The following PTPRN2 variants were observed in gnomAD, a reference collection of about 807,000 sequenced individuals.
PTPRN2 encodes the protein receptor-type tyrosine-protein phosphatase N2.
Under a neutral mutation model 118.8 loss-of-function variants are expected in PTPRN2, and 74 were observed. That is an observed-to-expected ratio of 0.62 (90% CI 0.52 to 0.76). The LOEUF is 0.76. PTPRN2 is among the 30% of genes least tolerant of loss of function. The probability of loss-of-function intolerance (pLI) is 0.00; values close to 1 mark genes in which losing one functional copy is unlikely to be tolerated. For missense variants in PTPRN2, 1,481 were observed against 1,394.4 expected (o/e 1.06, Z -0.99); for synonymous variants, 641 against 608.0 (o/e 1.05, Z -0.80).
intron 3 of PTPRN2, among the ~76,000 whole-genome samples, chr7:158,210,287 T>C (rs931797060): frequency 1.3e-5 from 2 of 151,728 alleles, no homozygotes; most frequent in Admixed American, 1.3e-4. Flanking sequence ...AGGCGCCCGC[T>C]ACCACGCCTG....
intron 2 of PTPRN2, among the ~76,000 whole-genome samples, chr7:158,435,984 G>A (rs1269124405): frequency 6.6e-6 from 1 of 152,138 alleles, no homozygotes; most frequent in Non-Finnish European, 1.5e-5. Flanking sequence ...ATGAACGAGT[G>A]CTAGAGATCT....
chr7:158,108,438 G>A (rs1009725933), intron 10 of PTPRN2, among the ~76,000 whole-genome samples: 1 of 152,032 alleles, frequency 6.6e-6, no homozygotes, highest in African/African-American at 2.4e-5. Flanking sequence ...TGGCCTCTCT[G>A]TCCCTGCTGA....
intron 21 of PTPRN2, among the ~76,000 whole-genome samples, chr7:157,559,455 G>A (rs1799069573): frequency 6.6e-6 from 1 of 152,192 alleles, no homozygotes. Flanking sequence ...AGGAATGAGG[G>A]AAGGACAGAG....
intron 11 of PTPRN2, among the ~76,000 whole-genome samples, chr7:158,061,558 G>A (rs1187909711): frequency 2.6e-5 from 4 of 152,214 alleles, no homozygotes; most frequent in Non-Finnish European, 4.4e-5. Flanking sequence ...ATAAACAGTC[G>A]TGGTGGCAAA....
Position 157,898,809 on chromosome 7 carries a change from T to C in PTPRN2, c.1724-72A>G, listed in dbSNP as rs73517011. On this transcript the variant is annotated intron_variant, in intron 11 of 22. Transcript: ENST00000389418. ...TCAGTCTCCGGGCACCTCTGAGTAT[T>C]TTCCTCCATTGAAAATTTCAATTAC... 7.3e-4 allele frequency: 992 copies of C among 1,351,242 alleles called. 2 individuals carry two copies. In the African/African-American group the frequency reaches 8.6e-3, roughly 12 times the overall value. The allele number at this position is 1,351,242 out of a possible 1,614,324, so 83.7% of individuals were successfully genotyped here.
At chr7:158,280,748 G>A (rs1799369254) in intron 3 of PTPRN2, among the ~76,000 whole-genome samples, 1 of 152,204 alleles carries the variant, frequency 6.6e-6, no homozygotes, top group Non-Finnish European at 1.5e-5. Context: ...TTTCCCAAAT[G>A]TTGAACAATG....
chr7:158,056,976 A>C (rs1477092715), intron 11 of PTPRN2, among the ~76,000 whole-genome samples: 4 of 152,152 alleles, frequency 2.6e-5, no homozygotes, highest in Non-Finnish European at 5.9e-5. Flanking sequence ...GCCACCTCGG[A>C]TGTGTCCATC....
chr7:157,993,252 C>T (rs1804390919), intron 11 of PTPRN2, among the ~76,000 whole-genome samples: 1 of 152,052 alleles, frequency 6.6e-6, no homozygotes, highest in African/African-American at 2.4e-5. Context: ...TCGGTGCGTA[C>T]CTGTCCGTGT....
intron 11 of PTPRN2, among the ~76,000 whole-genome samples, chr7:158,043,654 AT>A (rs2128891408): frequency 6.6e-6 from 1 of 152,362 alleles, no homozygotes; most frequent in East Asian, 1.9e-4. Flanking sequence ...AAAGAGGCCA[AT>A]TTCTGAGCAC....
chr7:158,318,439 T>TA (rs1056601078), intron 2 of PTPRN2, among the ~76,000 whole-genome samples: 16 of 152,294 alleles, frequency 1.1e-4, no homozygotes, highest in African/African-American at 2.9e-4. Context: ...AGAACAATCC[T>TA]AGGCCTCAGG....
chr7:157,791,536 GCTCCCTGCACCCACCTGCCCCCC>G (rs1804497190), intron 12 of PTPRN2, among the ~76,000 whole-genome samples: 2 of 128,864 alleles, frequency 1.6e-5, no homozygotes, highest in Non-Finnish European at 3.3e-5. Flanking sequence ...ACCCGCCCCC[GCTCCCTGCACCCACCTGCCCCCC>G]CTCCCTGCAC....
chr7:157,795,150 T>C (rs1382849157), intron 12 of PTPRN2, among the ~76,000 whole-genome samples: 2 of 129,450 alleles, frequency 1.5e-5, no homozygotes, highest in East Asian at 5.3e-4. Flanking sequence ...TAGGAGGCAC[T>C]TCGGCGGGGT....
chr7:158,306,848 GTTT>G (rs1563111858), intron 3 of PTPRN2, among the ~76,000 whole-genome samples: 2 of 113,528 alleles, frequency 1.8e-5, no homozygotes, highest in Non-Finnish European at 3.6e-5. Flanking sequence ...TAAATGAGCT[GTTT>G]TTTGTTTTTT....
At chr7:158,262,681 TAC>T (rs929353773) in intron 3 of PTPRN2, among the ~76,000 whole-genome samples, 45 of 130,920 alleles carry the variant, frequency 3.4e-4, no homozygotes, top group Middle Eastern at 5.8e-3. Flanking sequence ...CATTCACACA[TAC>T]ACACATTCAC....
chr7:158,151,089 C>A (rs1300498740), intron 6 of PTPRN2, among the ~76,000 whole-genome samples: 23 of 8,960 alleles, frequency 2.6e-3, no homozygotes, highest in Non-Finnish European at 4.9e-3. Context: ...CCCTGCCTGC[C>A]CAAACCGCCC....
chr7:158,078,731 T>G (rs1341640144), intron 11 of PTPRN2, among the ~76,000 whole-genome samples: 1 of 152,248 alleles, frequency 6.6e-6, no homozygotes, highest in Non-Finnish European at 1.5e-5. Context: ...TCACCAACCG[T>G]GCTAAGCGCT....
At chr7:158,487,412 T>A (rs542643793) in intron 2 of PTPRN2, among the ~76,000 whole-genome samples, 1 of 152,204 alleles carries the variant, frequency 6.6e-6, no homozygotes, top group Non-Finnish European at 1.5e-5. Context: ...AGTGTTCAAT[T>A]TCTCCACATT....
chr7:158,248,190 G>T (rs367942886), intron 3 of PTPRN2, among the ~76,000 whole-genome samples: 2 of 152,132 alleles, frequency 1.3e-5, no homozygotes, highest in Non-Finnish European at 2.9e-5. Context: ...TTCCAGGAGC[G>T]GCCCCACCCC....
chr7:157,843,784 T>C (rs1487649667), intron 12 of PTPRN2, among the ~76,000 whole-genome samples: 2 of 152,256 alleles, frequency 1.3e-5, no homozygotes, highest in African/African-American at 2.4e-5. Flanking sequence ...ACCTCTGCTC[T>C]GTGCTGATTA....
Sources: allele counts gnomAD v4.1 joint callset (sites outside exome capture counted in the v4.1 genomes callset), GRCh38; gene constraint gnomAD v4.1.1; transcripts MANE v1.5; gene names NCBI Gene and HGNC (gene_info 2026-07-23, HGNC 2026-07-21).